Variants in CRACR2A observed in about 807,000 individuals in gnomAD.
CRACR2A encodes the protein calcium release activated channel regulator 2A, also known as EF-hand calcium-binding domain-containing protein 4B.
CRACR2A carries 79 observed loss-of-function variants against 90.5 expected under a neutral mutation model. The observed-to-expected ratio is 0.87, with a 90% CI of 0.73 to 1.05. The LOEUF (loss-of-function observed/expected upper bound fraction) is 1.05. Among genes scored for constraint, CRACR2A ranks in the 50% least tolerant of loss-of-function variants. CRACR2A has a pLI of 0.00. For missense variants in CRACR2A, 823 were observed against 897.2 expected, an observed-to-expected ratio of 0.92 and a Z score of 1.06; for synonymous variants, 338 against 356.7, an observed-to-expected ratio of 0.95 and a Z score of 0.59.
chr12:3,643,856 T>TATATATAAATATATATAA (rs1478137267), intron 12 of CRACR2A, among the ~76,000 whole-genome samples: 13 of 67,346 alleles, frequency 1.9e-4, no homozygotes, highest in Non-Finnish European at 3.3e-4. Context: ...TATTATATAT[T>TATATATAAATATATATAA]TATATTATAT....
chr12:3,662,891 G>T (rs1220468001), intron 7 of CRACR2A, among the ~76,000 whole-genome samples: 1 of 152,214 alleles, frequency 6.6e-6, no homozygotes, highest in East Asian at 1.9e-4. Context: ...AACTCATCAT[G>T]TTTGCTTATC....
At chr12:3,712,193 T>C (rs1296371939) in intron 3 of CRACR2A, among the ~76,000 whole-genome samples, 3 of 151,160 alleles carry the variant, frequency 2.0e-5, no homozygotes, top group Non-Finnish European at 4.4e-5. Flanking sequence ...AGTGTGAACT[T>C]TGCCACCCTG....
intron 15 of CRACR2A, 55 bp from the exon 16 acceptor site, chr12:3,627,761 C>T: frequency 6.7e-7 from 1 of 1,487,712 alleles, no homozygotes; most frequent in Non-Finnish European, 9.2e-7. Flanking sequence ...CACCTCACTT[C>T]CAAATCAGGA....
At chr12:3,738,933 G>T (rs913599416) in intron 1 of CRACR2A, among the ~76,000 whole-genome samples, 2 of 152,074 alleles carry the variant, frequency 1.3e-5, no homozygotes, top group Non-Finnish European at 1.5e-5. Flanking sequence ...GAAGGCAGTG[G>T]TAAAATACCT....
In CRACR2A at chr12:3,751,327, T is replaced by C. The variant is rs75630925; in HGVS notation, c.-387+1688A>G. Among the ~76,000 whole-genome samples the C allele has an allele frequency of 7.4e-3, 1,121 of 152,238 alleles. 15 individuals are homozygous for C. Among genetic ancestry groups the C allele is most frequent in the African/African-American group, 0.026 (1,068 of 41,522 alleles). ...CCCACCAGCCCTGTTCAACCCCTCA[T>C]GGTGACTGCAATGGGCTTCTTCCCA... On this transcript the variant is annotated intron_variant, in intron 1 of 19. Transcript: ENST00000440314.
chr12:3,666,360 C>CGT (rs34013782), intron 7 of CRACR2A, among the ~76,000 whole-genome samples: 5 of 81,046 alleles, frequency 6.2e-5, no homozygotes, highest in Admixed American at 2.3e-4. Flanking sequence ...TGTGTGCGTG[C>CGT]GTGTGCGCGT....
At chr12:3,657,467 G>C (rs1440069701) in intron 8 of CRACR2A, among the ~76,000 whole-genome samples, 3 of 152,218 alleles carry the variant, frequency 2.0e-5, no homozygotes, top group Non-Finnish European at 4.4e-5. Context: ...CCTCGGGCCA[G>C]AGGCCTTTGG....
rs960309832 is a variant in CRACR2A, at chr12:3,619,269, A to T, written c.2034+2T>A. On this transcript the variant is annotated splice_donor_variant, in intron 18 of 19. Transcript: ENST00000440314. LOFTEE classifies it high-confidence loss of function. ...AGAGAGATGGAAATGCTTGCTCTTT[A>T]CCGTGGCAAGCTGCTCTCCGAGGCC... 6.5e-7 allele frequency: 1 copy of T among 1,549,966 alleles called. No individual in the cohort carries two copies. Among genetic ancestry groups the T allele is most frequent in the African/African-American group, 1.4e-5 (1 of 72,964 alleles).
At chr12:3,718,058 T>C (rs1341882532) in intron 2 of CRACR2A, among the ~76,000 whole-genome samples, 1 of 152,236 alleles carries the variant, frequency 6.6e-6, no homozygotes, top group Non-Finnish European at 1.5e-5. Flanking sequence ...TTATCTTCTC[T>C]GAGCCAATTT....
chr12:3,618,010 C>T lies in CRACR2A; in HGVS notation c.2035-980G>A, dbSNP rs1027756202. Among the ~76,000 whole-genome samples, 12 of 152,106 alleles carry T rather than the reference C, an allele frequency of 7.9e-5. No homozygotes were observed. The East Asian group carries it at 9.6e-4, about 12-fold the overall frequency. On this transcript the variant is annotated intron_variant, in intron 18 of 19. Transcript: ENST00000440314. The stretch of plus-strand genomic sequence containing the variant: ...GTCAGTCTGTCAAAGAGTAGAAGTT[C>T]CATGGGGTGGGAATAGTGGGGAGGG...
At chr12:3,681,635 T>C (rs1945455188) in intron 4 of CRACR2A, among the ~76,000 whole-genome samples, 1 of 152,220 alleles carries the variant, frequency 6.6e-6, no homozygotes, top group Non-Finnish European at 1.5e-5. Context: ...GCGGTAACCG[T>C]GCGAAATTGC....
chr12:3,670,546 C>A (rs1283281419), intron 7 of CRACR2A, among the ~76,000 whole-genome samples: 1 of 152,178 alleles, frequency 6.6e-6, no homozygotes, highest in Non-Finnish European at 1.5e-5. Context: ...ATTGGGATTT[C>A]CAGTCTCTTG....
intron 6 of CRACR2A, among the ~76,000 whole-genome samples, 176 bp from the exon 7 acceptor site, chr12:3,673,768 G>T (rs1456980498): frequency 6.6e-6 from 1 of 152,212 alleles, no homozygotes; most frequent in Non-Finnish European, 1.5e-5. Context: ...AAGGATATCA[G>T]CTCATTTCGT....
chr12:3,730,796 G>C (rs569531807), intron 2 of CRACR2A: 1 of 152,192 alleles, frequency 6.6e-6, no homozygotes, highest in East Asian at 1.9e-4. Context: ...AGAAATCCTG[G>C]AAGGTTGTAT....
At chr12:3,695,888 A>G (rs1002606720) in intron 4 of CRACR2A, among the ~76,000 whole-genome samples, 1 of 152,244 alleles carries the variant, frequency 6.6e-6, no homozygotes, top group Non-Finnish European at 1.5e-5. Context: ...GAAGTTTTTG[A>G]AACTAAAGAA....
chr12:3,636,583 C>T (rs527726471), intron 14 of CRACR2A, among the ~76,000 whole-genome samples: 21 of 152,246 alleles, frequency 1.4e-4, no homozygotes, highest in Admixed American at 1.2e-3. Context: ...TCTGAGCAGA[C>T]GCTTAAGCCT....
intron 11 of CRACR2A, chr12:3,647,867 T>C (rs1276485373): frequency 1.0e-6 from 1 of 985,426 alleles, no homozygotes; most frequent in Non-Finnish European, 1.2e-6. Flanking sequence ...AGAAACTTCA[T>C]GGGCAACATC....
At chr12:3,713,899 C>G (rs900799072) in intron 2 of CRACR2A, among the ~76,000 whole-genome samples, 3 of 152,138 alleles carry the variant, frequency 2.0e-5, no homozygotes, top group Non-Finnish European at 4.4e-5. Flanking sequence ...GGGAGTGTTA[C>G]GACTGAACCT....
chr12:3,627,850 G>T, intron 15 of CRACR2A, 144 bp from the exon 16 acceptor site: 1 of 803,474 alleles, frequency 1.2e-6, no homozygotes. Context: ...AGGCAAAATG[G>T]AGAAAAGAAC....
Sources: allele counts gnomAD v4.1 joint callset (sites outside exome capture counted in the v4.1 genomes callset), GRCh38; gene constraint gnomAD v4.1.1; transcripts MANE v1.5; gene names NCBI Gene and HGNC (gene_info 2026-07-23, HGNC 2026-07-21).